Variants in FUS observed in about 807,000 individuals in gnomAD.
FUS encodes the protein FUS RNA binding protein.
In FUS, 5 loss-of-function variants were observed where a neutral mutation model predicts 82.7. That is an observed-to-expected ratio of 0.06 (90% confidence interval 0.03 to 0.13). The LOEUF (loss-of-function observed/expected upper bound fraction) is 0.13, where lower values mean the gene tolerates loss of function less well. Among genes scored for constraint, FUS ranks in the 10% least tolerant of loss-of-function variants. The pLI is 1.00. For synonymous variants in FUS, 281 were observed against 247.4 expected, an observed-to-expected ratio of 1.14 and a Z score of -1.27; for missense variants, 512 against 707.8, an observed-to-expected ratio of 0.72 and a Z score of 3.14.
chr16:31,194,740 CA>C (rs1241520123), downstream of FUS: 2 of 484,566 alleles, frequency 4.1e-6, no homozygotes, highest in Admixed American at 4.6e-5. Context: ...TGAGAACATA[CA>C]AAGCCACTCT....
intron 5 of FUS, among the ~76,000 whole-genome samples, chr16:31,184,649 T>C (rs2144111412): frequency 6.6e-6 from 1 of 152,152 alleles, no homozygotes; most frequent in South Asian, 2.1e-4. Context: ...TTCACCATGT[T>C]AGCCAGGATG....
intron 6 of FUS, chr16:31,185,716 A>T: frequency 2.5e-6 from 1 of 406,652 alleles, no homozygotes; most frequent in Non-Finnish European, 5.0e-6. Context: ...GACTTGGTTT[A>T]TGGGGCCAGC....
chr16:31,194,292 A>T (rs946075801), downstream of FUS: 12 of 525,918 alleles, frequency 2.3e-5, no homozygotes, highest in South Asian at 4.6e-5. Flanking sequence ...CATCCTTTTT[A>T]AATTTTTTTT....
At chr16:31,186,888 AT>A (rs1385133852) in intron 7 of FUS, 52 bp downstream of exon 7, 6 of 1,526,964 alleles carry the variant, frequency 3.9e-6, no homozygotes, top group Non-Finnish European at 5.5e-6. Context: ...GCTTTGTCTG[AT>A]TGTTCATTTG....
chr16:31,188,326 C>G lies in FUS; in HGVS notation c.801C>G (p.Gly267=). The change falls in exon 8 of 15, where the codon GGC becomes GGG. Residue 267 remains glycine (G), a splice_region_variant and synonymous_variant. Coordinates refer to ENST00000254108, the MANE Select transcript of FUS (RefSeq NM_004960.4). ...TTCTTTTTTTCCATGTCACTAAAGG[C>G]CCTCGGGACCAAGGATCACGTCATG... The part of the protein sequence containing the change: ...SDRGGFNKFG[G]PRDQGSRHDS... The G allele has an allele frequency of 6.2e-7, 1 of 1,613,002 alleles. No homozygotes were observed.
At position 31,191,127 on chromosome 16, in the gene FUS, G is replaced by A; in HGVS notation, c.1541+17G>A. On this transcript the variant is annotated intron_variant, in intron 14 of 14. Transcript: ENST00000254108. ...GGATTCCAGGTAAGACTTTAAATCA[G>A]AATAAAAAAGTAGAGCAGTTGAACA... 1 of 1,611,738 alleles carries A rather than the reference G, an allele frequency of 6.2e-7. No homozygotes were observed. The highest frequency in any genetic ancestry group is 1.7e-5 in the Admixed American group (1 of 59,928).
Position 31,183,959 on chromosome 16 carries a change from C to T in FUS, c.292C>T (p.Pro98Ser), listed in dbSNP as rs750606880. ...QSSYGQQSSY[P>S]GYGQQPAPSS... ...GTCTTACGGGCAGCAGTCCTCCTAC[C>T]CTGGCTATGGCCAGCAGCCAGCTCC... Residue 98 changes from proline to serine, a missense_variant, in exon 4 of 15, where the codon CCT becomes TCT. By Grantham distance (74) the Pro-to-Ser change is moderately conservative. Transcript: ENST00000254108. The T allele has an allele frequency of 4.3e-6, 7 of 1,613,802 alleles. No homozygotes were observed. In the African/African-American group the frequency reaches 5.3e-5, roughly 12 times the overall value.
In FUS at chr16:31,180,241, C is replaced by T. The variant is rs757723986; in HGVS notation, c.13+14C>T. The T allele has an allele frequency of 2.5e-6, 4 of 1,608,964 alleles. No homozygotes were observed. Among genetic ancestry groups the T allele is most frequent in the African/African-American group, 1.3e-5 (1 of 74,990 alleles). On this transcript the variant is annotated intron_variant, in intron 1 of 14. Transcript: ENST00000254108. ...TGGCCTCAAACGGTAGGTAAGGGCG[C>T]GAGGCGACGGCGGCGGCGCACCCGG... is the stretch of plus-strand genomic sequence containing the variant.
At chr16:31,191,959 CA>C (rs1397243590), downstream of FUS, 14 of 533,342 alleles carry the variant, frequency 2.6e-5, no homozygotes, top group East Asian at 5.5e-4. Context: ...TGGTGAGGCT[CA>C]AACAAACTAC....
chr16:31,190,729 C>T lies in FUS; in HGVS notation c.1293-13C>T, dbSNP rs200901490. ...CCCATCGCTCCAGACTGATTGTCTT[C>T]CTTTCTCCTTAGCACCTGTGAGAAT... On this transcript the variant is annotated splice_polypyrimidine_tract_variant and intron_variant, in intron 12 of 14. Coordinates refer to ENST00000254108, the MANE Select transcript of FUS (RefSeq NM_004960.4). The T allele has an allele frequency of 1.4e-5, 22 of 1,611,346 alleles. No homozygotes were observed. In the Admixed American group the frequency reaches 2.2e-4, roughly 16 times the overall value.
chr16:31,191,473 T>C lies in FUS; in HGVS notation c.*35T>C. 2 of 1,611,326 alleles carry C rather than the reference T, an allele frequency of 1.2e-6. No homozygotes were observed. The highest frequency in any genetic ancestry group is 8.5e-7 in the Non-Finnish European group (1 of 1,177,572). ...CTCCCCAGGTTCTGGAACAGCTTTT[T>C]GTCCTGTACCCAGTGTTACCCTCGT... On this transcript the variant is annotated 3_prime_UTR_variant, in exon 15 of 15. Coordinates refer to ENST00000254108, the MANE Select transcript of FUS (RefSeq NM_004960.4).
In FUS at chr16:31,190,115, A is replaced by G. The variant is rs1064796544; in HGVS notation, c.1142A>G (p.Asn381Ser). 3.1e-6 allele frequency: 5 copies of G among 1,614,074 alleles called. No homozygotes were observed. Among genetic ancestry groups the G allele is most frequent in the South Asian group, 1.1e-5 (1 of 91,082 alleles). ...GCAGACTTTAATCGGGGTGGTGGCA[A>G]TGGTCGTGGAGGCCGAGGGCGAGGA... ...RRADFNRGGG[N>S]GRGGRGRGGP... is the part of the protein sequence containing the mutation. The change falls in exon 11 of 15, where the codon AAT (asparagine) becomes AGT (serine). Residue 381 changes from asparagine to serine, a missense_variant. By Grantham distance (46) the Asn-to-Ser change is conservative (BLOSUM62 1). Coordinates refer to ENST00000254108, the MANE Select transcript of FUS (RefSeq NM_004960.4).
At chr16:31,185,843 G>GA (rs1480533122) in intron 6 of FUS, 1 of 272,638 alleles carries the variant, frequency 3.7e-6, no homozygotes, top group East Asian at 5.5e-5. Context: ...TGTCCAACTG[G>GA]ACCTTCTTTC....
In FUS at chr16:31,184,436, T is replaced by TTA; in HGVS notation, c.523+41_523+42insAT. The TTA allele has an allele frequency of 3.9e-6, 6 of 1,539,802 alleles. No individual in the cohort carries two copies. The African/African-American group carries it at 4.3e-5, about 11-fold the overall frequency. On this transcript the variant is annotated intron_variant, in intron 5 of 14. Coordinates refer to ENST00000254108, the MANE Select transcript of FUS (RefSeq NM_004960.4). Reference sequence around the variant, plus strand: ...GCTTTGTCTGCAGCCCATTTTCTTTTTCTTTTTTTTTTTTTTTTTGAGACG... The same window carrying TTA: ...GCTTTGTCTGCAGCCCATTTTCTTTTTATCTTTTTTTTTTTTTTTTTGAGACG...
At position 31,184,322 on chromosome 16, in the gene FUS, A is replaced by T; in HGVS notation, c.449A>T (p.Asn150Ile). ...QQSYGQQQSY[N>I]PPQGYGQQNQ... ...AGCTATGGACAGCAGCAAAGCTATAATCCCCCTCAGGGCTATGGACAGCAG... is the reference window on the plus strand; with the variant it reads ...AGCTATGGACAGCAGCAAAGCTATATTCCCCCTCAGGGCTATGGACAGCAG... The change falls in exon 5 of 15, where the codon AAT becomes ATT. Residue 150 changes from asparagine (N) to isoleucine (I), a missense_variant. Transcript: ENST00000254108. 1 of 1,614,138 alleles carries T rather than the reference A, an allele frequency of 6.2e-7. No individual in the cohort carries two copies. Among genetic ancestry groups the T allele is most frequent in the Non-Finnish European group, 8.5e-7 (1 of 1,180,014 alleles).
chr16:31,188,867 C>G, intron 8 of FUS: 1 of 534,794 alleles, frequency 1.9e-6, no homozygotes, highest in South Asian at 2.2e-5. Flanking sequence ...TCTTGTTGGG[C>G]ATTTCACTCC....
chr16:31,192,191 C>G (rs1405700268), downstream of FUS: 1 of 528,070 alleles, frequency 1.9e-6, no homozygotes, highest in African/African-American at 1.9e-5. Flanking sequence ...CACATCCTGC[C>G]TGTACTCAGA....
chr16:31,182,507 A>G lies in FUS; in HGVS notation c.39-6A>G, dbSNP rs1241001151. 2 of 1,614,012 alleles carry G rather than the reference A, an allele frequency of 1.2e-6. No individual in the cohort carries two copies. Among genetic ancestry groups the G allele is most frequent in the Non-Finnish European group, 1.7e-6 (2 of 1,180,002 alleles). ...TTCTGATCACGCTGGTTTTCCTTTT[A>G]TTTAGCTATGGGGCCTACCCCACCC... On this transcript the variant is annotated splice_region_variant and splice_polypyrimidine_tract_variant and intron_variant, in intron 2 of 14. Coordinates refer to ENST00000254108, the MANE Select transcript of FUS (RefSeq NM_004960.4).
intron 10 of FUS, 90 bp downstream of exon 10, chr16:31,189,884 T>C: frequency 6.2e-7 from 1 of 1,604,888 alleles, no homozygotes; most frequent in Non-Finnish European, 8.5e-7. Flanking sequence ...TTCTTTTGAG[T>C]CTTCCAACAC....
Sources: gnomAD v4.1 joint callset for allele counts (sites outside exome capture counted in the v4.1 genomes callset) on GRCh38, gnomAD v4.1.1 for gene constraint, MANE v1.5 for transcripts, NCBI Gene and HGNC (gene_info 2026-07-23, HGNC 2026-07-21) for gene names.